The following TMEM132D variants were observed in gnomAD, a reference collection of about 807,000 sequenced individuals.
TMEM132D encodes the protein mature OL transmembrane protein.
TMEM132D carries 21 observed loss-of-function variants against 62.3 expected under a neutral mutation model. That is an observed-to-expected ratio of 0.34 (90% CI 0.24 to 0.49). The LOEUF is 0.49. Among genes scored for constraint, TMEM132D ranks in the 20% least tolerant of loss-of-function variants. TMEM132D has a pLI of 0.99. For missense variants in TMEM132D, 1,346 were observed against 1,402.8 expected (o/e 0.96, Z 0.65); for synonymous variants, 621 against 575.6 (o/e 1.08, Z -1.13).
At chr12:129,141,478 T>C (rs1313073483) in intron 5 of TMEM132D, among the ~76,000 whole-genome samples, 4 of 152,128 alleles carry the variant, frequency 2.6e-5, no homozygotes, top group Admixed American at 6.5e-5. Context: ...ACTCAAACTG[T>C]GTAACATGAT....
chr12:129,453,270 G>A (rs1873357786), intron 3 of TMEM132D, among the ~76,000 whole-genome samples: 2 of 152,294 alleles, frequency 1.3e-5, no homozygotes, highest in South Asian at 2.1e-4. Flanking sequence ...GATCTAAGAA[G>A]GCGTGCCTAC....
At chr12:129,345,453 G>A (rs913252610) in intron 3 of TMEM132D, among the ~76,000 whole-genome samples, 1 of 152,186 alleles carries the variant, frequency 6.6e-6, no homozygotes, top group East Asian at 1.9e-4. Flanking sequence ...CAGTTTCAAC[G>A]GAATGGGCTT....
chr12:129,717,697 AAAT>A (rs545170483), intron 1 of TMEM132D, among the ~76,000 whole-genome samples: 1 of 150,624 alleles, frequency 6.6e-6, no homozygotes, highest in South Asian at 2.1e-4. Context: ...TATTAAATTA[AAAT>A]AATAAAATAG....
At chr12:129,184,566 TG>T (rs1390434206) in intron 5 of TMEM132D, among the ~76,000 whole-genome samples, 1 of 152,202 alleles carries the variant, frequency 6.6e-6, no homozygotes, top group Non-Finnish European at 1.5e-5. Context: ...GATTTTGGGC[TG>T]GGGTGAGTAG....
chr12:129,714,432 A>T (rs2137238823), intron 1 of TMEM132D, among the ~76,000 whole-genome samples: 2 of 152,330 alleles, frequency 1.3e-5, no homozygotes, highest in African/African-American at 4.8e-5. Flanking sequence ...ATGCCAGGGC[A>T]CAGATGGACA....
At chr12:129,593,848 A>G (rs1328579911) in intron 2 of TMEM132D, among the ~76,000 whole-genome samples, 2 of 152,066 alleles carry the variant, frequency 1.3e-5, no homozygotes, top group Non-Finnish European at 2.9e-5. Flanking sequence ...TTTTTTTAAA[A>G]TGTCAAATTC....
intron 3 of TMEM132D, among the ~76,000 whole-genome samples, chr12:129,493,572 A>G (rs1874862979): frequency 6.6e-6 from 1 of 152,258 alleles, no homozygotes; most frequent in African/African-American, 2.4e-5. Context: ...AATATGCATT[A>G]TAATAATACA....
intron 5 of TMEM132D, among the ~76,000 whole-genome samples, chr12:129,089,956 T>G (rs980552601): frequency 2.6e-5 from 4 of 152,242 alleles, no homozygotes; most frequent in Admixed American, 1.3e-4. Context: ...AACCTCCTTT[T>G]AGCACTTAAA....
intron 1 of TMEM132D, chr12:129,853,709 A>G (rs1873618344): frequency 6.6e-6 from 1 of 152,146 alleles, no homozygotes; most frequent in Non-Finnish European, 1.5e-5. Flanking sequence ...GCTCCTGTGT[A>G]GTCGGCAATT....
chr12:129,429,582 C>CT (rs369972389), intron 3 of TMEM132D, among the ~76,000 whole-genome samples: 30,187 of 143,596 alleles, frequency 0.21, 3,102 homozygotes, highest in Non-Finnish European at 0.24. Context: ...CTAATTCTTT[C>CT]TTTTTTTTTT....
At chr12:129,166,913 C>T (rs1382528255) in intron 5 of TMEM132D, among the ~76,000 whole-genome samples, 2 of 152,060 alleles carry the variant, frequency 1.3e-5, no homozygotes, top group African/African-American at 4.8e-5. Flanking sequence ...CTTGTAATCC[C>T]AGCACTTTGG....
At chr12:129,711,996 C>A (rs1434369998) in intron 1 of TMEM132D, among the ~76,000 whole-genome samples, 1 of 151,888 alleles carries the variant, frequency 6.6e-6, no homozygotes, top group African/African-American at 2.4e-5. Context: ...TGTGGAGCAT[C>A]TGGGAAAGTC....
intron 2 of TMEM132D, among the ~76,000 whole-genome samples, chr12:129,545,832 C>T (rs1380450240): frequency 1.3e-5 from 2 of 152,208 alleles, no homozygotes; most frequent in Non-Finnish European, 2.9e-5. Context: ...GGTAGTTCCA[C>T]TCTGGTGAGA....
At chr12:129,386,584 G>T (rs1171898377) in intron 3 of TMEM132D, among the ~76,000 whole-genome samples, 1 of 148,876 alleles carries the variant, frequency 6.7e-6, no homozygotes, top group Non-Finnish European at 1.5e-5. Context: ...CAACGCCAAT[G>T]CCAACACTAT....
chr12:129,155,271 G>T (rs71464432), intron 5 of TMEM132D, among the ~76,000 whole-genome samples: 2 of 152,322 alleles, frequency 1.3e-5, no homozygotes, highest in East Asian at 3.9e-4. Flanking sequence ...AGGTTGGTGC[G>T]ATCTGTACCC....
chr12:129,258,577 G>A (rs955321383), intron 4 of TMEM132D, among the ~76,000 whole-genome samples: 12 of 152,164 alleles, frequency 7.9e-5, no homozygotes, highest in South Asian at 2.1e-4. Context: ...GAAGGGTAAC[G>A]ACCCAGGCCA....
At position 129,777,862 on chromosome 12, in the gene TMEM132D, G is replaced by A. The variant is rs543035866; in HGVS notation, c.80-77164C>T. Among the ~76,000 whole-genome samples, 391 of 152,234 alleles carry A rather than the reference G, an allele frequency of 2.6e-3. 2 individuals are homozygous for A. The highest frequency in any genetic ancestry group is 8.9e-3 in the African/African-American group (371 of 41,546). On this transcript the variant is annotated intron_variant, in intron 1 of 8. Transcript: ENST00000422113. ...TCAGAAATCACTCTAGGCTGGGTAT[G>A]GTGGCTCACCCCTGTAATCCCAGCA...
At chr12:129,881,646 T>C (rs1196340947) in intron 1 of TMEM132D, among the ~76,000 whole-genome samples, 3 of 151,010 alleles carry the variant, frequency 2.0e-5, no homozygotes, top group Non-Finnish European at 4.4e-5. Flanking sequence ...GATAAAAGAG[T>C]TCCTAGAGAA....
At chr12:129,353,063 T>C (rs2135669409) in intron 3 of TMEM132D, among the ~76,000 whole-genome samples, 1 of 152,284 alleles carries the variant, frequency 6.6e-6, no homozygotes, top group Non-Finnish European at 1.5e-5. Flanking sequence ...TTCCTGTAAC[T>C]CCAGGAATCA....
Sources: allele counts gnomAD v4.1 joint callset (sites outside exome capture counted in the v4.1 genomes callset), GRCh38; gene constraint gnomAD v4.1.1; transcripts MANE v1.5; gene names NCBI Gene and HGNC (gene_info 2026-07-23, HGNC 2026-07-21).